Variants in RAD51B observed in about 807,000 individuals in gnomAD.
The protein encoded by RAD51B is DNA repair protein RAD51 homolog 2.
In RAD51B, 38 loss-of-function variants were observed where a neutral mutation model predicts 42.2. That is an observed-to-expected ratio of 0.90 (90% confidence interval 0.70 to 1.18). The LOEUF is 1.18. Ranked by LOEUF, RAD51B falls within the 50% of genes most tolerant of loss-of-function variation. The pLI is 0.00. For synonymous variants in RAD51B, 154 were observed against 145.2 expected, an observed-to-expected ratio of 1.06 and a Z score of -0.43; for missense variants, 373 against 400.7, an observed-to-expected ratio of 0.93 and a Z score of 0.59.
chr14:68,607,923 G>A (rs577285967), intron 10 of RAD51B, among the ~76,000 whole-genome samples: 2 of 152,328 alleles, frequency 1.3e-5, no homozygotes, highest in East Asian at 1.9e-4. Flanking sequence ...GAGCCAGGCC[G>A]AAAGGCAAAG....
At chr14:67,822,581 G>C (rs897272801) in intron 1 of RAD51B, among the ~76,000 whole-genome samples, 10 of 152,044 alleles carry the variant, frequency 6.6e-5, no homozygotes, top group African/African-American at 2.4e-4. Context: ...AAATTAGCCA[G>C]ACATGGTGGT....
intron 8 of RAD51B, among the ~76,000 whole-genome samples, chr14:68,336,257 C>T (rs774969948): frequency 2.6e-5 from 4 of 152,224 alleles, no homozygotes; most frequent in Non-Finnish European, 4.4e-5. Flanking sequence ...CTTTAAACCA[C>T]TTATCTCTCA....
chr14:68,493,106 TC>T (rs1045348307), intron 10 of RAD51B, among the ~76,000 whole-genome samples: 1 of 152,040 alleles, frequency 6.6e-6, no homozygotes, highest in African/African-American at 2.4e-5. Flanking sequence ...ACTCACTTCC[TC>T]CCTTTGTGCA....
At chr14:68,115,727 G>A (rs2077536002) in intron 7 of RAD51B, among the ~76,000 whole-genome samples, 1 of 152,112 alleles carries the variant, frequency 6.6e-6, no homozygotes, top group African/African-American at 2.4e-5. Context: ...GGAATCTTGT[G>A]TCAGGGAACT....
intron 11 of RAD51B, among the ~76,000 whole-genome samples, chr14:68,673,770 C>T (rs912189076): frequency 2.0e-5 from 3 of 151,840 alleles, no homozygotes; most frequent in African/African-American, 7.3e-5. Context: ...TACATCCACA[C>T]ACGTACACAT....
At chr14:68,458,209 C>A (rs2085753047) in intron 9 of RAD51B, among the ~76,000 whole-genome samples, 2 of 152,268 alleles carry the variant, frequency 1.3e-5, no homozygotes, top group Admixed American at 1.3e-4. Flanking sequence ...GTCTGTCACC[C>A]AGGCTGGAGA....
chr14:67,857,261 G>A (rs2042026087), intron 4 of RAD51B, among the ~76,000 whole-genome samples: 1 of 152,038 alleles, frequency 6.6e-6, no homozygotes, highest in South Asian at 2.1e-4. Context: ...ATCTGAGATT[G>A]TTAAAAAAAA....
At chr14:68,452,152 T>G (rs1371165702) in intron 9 of RAD51B, among the ~76,000 whole-genome samples, 2 of 152,206 alleles carry the variant, frequency 1.3e-5, no homozygotes, top group Non-Finnish European at 2.9e-5. Context: ...AGCTTAGCAT[T>G]AACAGCTGGA....
At chr14:68,260,363 A>G (rs79689622) in intron 7 of RAD51B, among the ~76,000 whole-genome samples, 66 of 110,926 alleles carry the variant, frequency 5.9e-4, no homozygotes, top group African/African-American at 2.3e-3. Context: ...GGGAGTAATT[A>G]CCTCACAAGT....
intron 7 of RAD51B, among the ~76,000 whole-genome samples, chr14:67,904,510 CTTTTTT>C (rs3043929): frequency 8.3e-6 from 1 of 120,242 alleles, no homozygotes; most frequent in African/African-American, 3.3e-5. Context: ...GGAATGTTGA[CTTTTTT>C]TTTTTTTTTT....
In RAD51B at chr14:67,842,053, A is replaced by G. The variant is rs141753739; in HGVS notation, c.315+6857A>G. 3.8e-3 allele frequency among the ~76,000 whole-genome samples: 583 copies of G among 152,276 alleles called. 10 individuals carry two copies. The highest frequency in any genetic ancestry group is 0.033 in the Admixed American group (500 of 15,292). On this transcript the variant is annotated intron_variant, in intron 4 of 10. Transcript: ENST00000471583. ...GTTTTTTCATTTGTTTGTATCATCT[A>G]TGATTTCTTGTAGCAGTGTTTTGTA...
At position 67,997,244 on chromosome 14, in the gene RAD51B, G is replaced by A. The variant is rs375360860; in HGVS notation, c.756+110040G>A. Among the ~76,000 whole-genome samples, 13 of 152,284 alleles carry A rather than the reference G, an allele frequency of 8.5e-5. No homozygotes were observed. The East Asian group carries it at 2.3e-3, about 27-fold the overall frequency. On this transcript the variant is annotated intron_variant, in intron 7 of 10. Coordinates refer to ENST00000471583, the MANE Select transcript of RAD51B (RefSeq NM_133510.4). Reference sequence around the variant, plus strand: ...CAATCCCCAAGAGAATGAATAGACAGAGAAAAGGAACAAGAACTTAGCCCA... The same window carrying A: ...CAATCCCCAAGAGAATGAATAGACAAAGAAAAGGAACAAGAACTTAGCCCA...
rs147802701 is a variant in RAD51B at position 68,554,022 on chromosome 14, G to C, written c.1037-40463G>C. Among the ~76,000 whole-genome samples, 18 of 152,258 alleles carry C rather than the reference G, an allele frequency of 1.2e-4. No homozygotes were observed. The East Asian group carries it at 3.5e-3, about 29-fold the overall frequency. On this transcript the variant is annotated intron_variant, in intron 10 of 10. Coordinates refer to the RAD51B transcript ENST00000487270. ...TTCTACAGCAGATCACAGTTACAGA[G>C]TGCTTTATACAATACATAAGTCCAA...
At chr14:68,630,194 C>T (rs73285876) in intron 10 of RAD51B, among the ~76,000 whole-genome samples, 8,165 of 152,054 alleles carry the variant, frequency 0.054, 683 homozygotes, top group African/African-American at 0.18. Flanking sequence ...AGCTTAGAGA[C>T]GTAAGTCACG....
At chr14:68,098,459 A>G (rs1469181568) in intron 7 of RAD51B, among the ~76,000 whole-genome samples, 3 of 152,256 alleles carry the variant, frequency 2.0e-5, no homozygotes, top group African/African-American at 7.2e-5. Context: ...GAGACTGGGT[A>G]GAAAAAGAGG....
chr14:68,442,429 A>G (rs1298272493), intron 9 of RAD51B, among the ~76,000 whole-genome samples: 5 of 118,532 alleles, frequency 4.2e-5, no homozygotes, highest in Admixed American at 3.7e-4. Flanking sequence ...TGTAGTAGGC[A>G]TTGTGCTTTT....
intron 7 of RAD51B, among the ~76,000 whole-genome samples, chr14:68,106,057 C>T (rs2077372942): frequency 6.6e-6 from 1 of 151,774 alleles, no homozygotes; most frequent in African/African-American, 2.4e-5. Context: ...GATAAAACTG[C>T]AGGAAATGAA....
At chr14:68,419,662 C>T (rs1354499224) in intron 9 of RAD51B, among the ~76,000 whole-genome samples, 1 of 152,210 alleles carries the variant, frequency 6.6e-6, no homozygotes, top group Admixed American at 6.5e-5. Flanking sequence ...TGGACATCTC[C>T]CTTAAATCCT....
intron 3 of RAD51B, among the ~76,000 whole-genome samples, chr14:67,834,729 C>T (rs559673070): frequency 1.4e-4 from 21 of 152,238 alleles, no homozygotes; most frequent in African/African-American, 4.1e-4. Flanking sequence ...GATTTTAGCA[C>T]GGGCATCCAG....
Sources: gnomAD v4.1 joint callset for allele counts (sites outside exome capture counted in the v4.1 genomes callset) on GRCh38, gnomAD v4.1.1 for gene constraint, MANE v1.5 for transcripts, NCBI Gene and HGNC (gene_info 2026-07-23, HGNC 2026-07-21) for gene names.